The following PNPLA8 variants were observed in gnomAD, a reference collection of about 807,000 sequenced individuals.
PNPLA8 encodes patatin like domain 8, phospholipase A2.
In PNPLA8, 39 loss-of-function variants were observed where a neutral mutation model predicts 76.9. That is an observed-to-expected ratio of 0.51 (90% CI 0.39 to 0.66). PNPLA8 has a LOEUF of 0.66. Ranked by LOEUF, PNPLA8 falls within the 30% of genes least tolerant of loss-of-function variation. PNPLA8 has a pLI of 0.00. For missense variants in PNPLA8, 887 were observed against 918.0 expected, an observed-to-expected ratio of 0.97 and a Z score of 0.44; for synonymous variants, 301 against 307.9, an observed-to-expected ratio of 0.98 and a Z score of 0.24.
At chr7:108,505,443 A>ACCTCCG (rs2154516137) in intron 4 of PNPLA8, among the ~76,000 whole-genome samples, 1 of 137,446 alleles carries the variant, frequency 7.3e-6, no homozygotes, top group East Asian at 2.3e-4. Flanking sequence ...GCTCACCGCA[A>ACCTCCG]CCTCCGCCTC....
intron 10 of PNPLA8, among the ~76,000 whole-genome samples, chr7:108,476,465 G>A (rs374724653): frequency 1.3e-3 from 194 of 152,280 alleles, no homozygotes; most frequent in African/African-American, 4.4e-3. Flanking sequence ...TAGGATGGCT[G>A]TTATAAAAAA....
Position 108,479,355 on chromosome 7 carries a change from G to A in PNPLA8, c.1903C>T (p.Pro635Ser). Residue 635 changes from proline to serine, a missense_variant, in exon 10 of 11, where the codon CCT (proline) becomes TCT (serine). Transcript: ENST00000257694. The part of the protein sequence containing the change: ...HQDGGLLLNN[P>S]SALAMHECKC... ...CACTCATGCATAGCTAATGCCGAAG[G>A]GTTATTCAGAAGCAAACCTCCATCC... 6.2e-7 allele frequency: 1 copy of A among 1,611,454 alleles called. No individual in the cohort carries two copies. The highest frequency in any genetic ancestry group is 8.5e-7 in the Non-Finnish European group (1 of 1,178,788).
chr7:108,491,391 T>C lies in PNPLA8; in HGVS notation c.1683+19A>G, dbSNP rs766585060. On this transcript the variant is annotated intron_variant, in intron 8 of 10. Coordinates refer to ENST00000257694, the MANE Select transcript of PNPLA8 (RefSeq NM_001256007.3). Reference sequence around the variant, plus strand: ...TTCAGATGGAACTAGGTGTTATATTTAAGAGACTCTAAGCTTACCTTAGGA... The same window carrying C: ...TTCAGATGGAACTAGGTGTTATATTCAAGAGACTCTAAGCTTACCTTAGGA... The C allele has an allele frequency of 1.3e-6, 2 of 1,521,836 alleles. No individual in the cohort carries two copies. Among genetic ancestry groups the C allele is most frequent in the Admixed American group, 1.7e-5 (1 of 59,866 alleles). The allele number at this position is 1,521,836 out of a possible 1,614,324, so 94.3% of individuals were successfully genotyped here. A position where few individuals can be genotyped will look rare whatever the true frequency, so the allele number is the denominator to read the frequency against.
Position 108,515,212 on chromosome 7 carries a change from G to A in PNPLA8, c.280C>T (p.Leu94Phe), listed in dbSNP as rs1408370599. ...LKLSTSAPKG[L>F]TKVNICMSRI... ...GACATACAAATGTTCACTTTTGTAA[G>A]TCCCTTGGGAGCAGAAGTGCTAAGT... The change falls in exon 3 of 11, where the codon CTT becomes TTT. Residue 94 changes from leucine (L) to phenylalanine (F), a missense_variant. Leu to Phe is a conservative substitution (Grantham distance 22). Transcript: ENST00000257694. 1.4e-5 allele frequency: 22 copies of A among 1,604,052 alleles called. No individual in the cohort carries two copies. In the Admixed American group the frequency reaches 1.5e-4, roughly 11 times the overall value.
At chr7:108,510,038 GA>G (rs1294087112) in intron 4 of PNPLA8, among the ~76,000 whole-genome samples, 2 of 112,324 alleles carry the variant, frequency 1.8e-5, no homozygotes, top group African/African-American at 6.7e-5. Context: ...GGGGTGGGGG[GA>G]GGGGGGAGGG....
At chr7:108,480,974 A>G (rs1860351774) in intron 9 of PNPLA8, among the ~76,000 whole-genome samples, 1 of 137,992 alleles carries the variant, frequency 7.2e-6, no homozygotes. Context: ...GGAATAATAC[A>G]GTATGGGACT....
rs536080817 is a variant in PNPLA8 at position 108,491,407 on chromosome 7, T to C, written c.1683+3A>G. 7 of 1,587,360 alleles carry C rather than the reference T, an allele frequency of 4.4e-6. No homozygotes were observed. In the South Asian group the frequency reaches 6.6e-5, roughly 15 times the overall value. ...TGTTATATTTAAGAGACTCTAAGCT[T>C]ACCTTAGGACATGTGGGGTTTCTTG... On this transcript the variant is annotated splice_donor_region_variant and intron_variant, in intron 8 of 10. Transcript: ENST00000257694.
intron 10 of PNPLA8, among the ~76,000 whole-genome samples, chr7:108,474,534 A>G (rs940955519): frequency 6.6e-6 from 1 of 152,228 alleles, no homozygotes; most frequent in Non-Finnish European, 1.5e-5. Flanking sequence ...TTGAAGTTAT[A>G]TAAGGTCAAT....
chr7:108,525,067 T>C (rs1863985279), intron 1 of PNPLA8, among the ~76,000 whole-genome samples: 1 of 152,210 alleles, frequency 6.6e-6, no homozygotes, highest in Non-Finnish European at 1.5e-5. Flanking sequence ...TTTAATTTAG[T>C]CCTGATATAG....
At chr7:108,504,273 G>A (rs1381779612) in intron 4 of PNPLA8, among the ~76,000 whole-genome samples, 1 of 152,126 alleles carries the variant, frequency 6.6e-6, no homozygotes, top group Non-Finnish European at 1.5e-5. Flanking sequence ...AAACTATAAC[G>A]TATGTGAATC....
rs754513143 is a variant in PNPLA8 at position 108,496,765 on chromosome 7, A to C, written c.1454-10T>G. On this transcript the variant is annotated splice_polypyrimidine_tract_variant and intron_variant, in intron 6 of 10. Transcript: ENST00000257694. ...AAAGCTAATATGGCACCTGGAAAAA[A>C]GAATCCTTAGCTTTTATCAGTGTTA... 7 of 1,602,582 alleles carry C rather than the reference A, an allele frequency of 4.4e-6. No homozygotes were observed. The highest frequency in any genetic ancestry group is 5.1e-6 in the Non-Finnish European group (6 of 1,172,978).
In PNPLA8 at chr7:108,472,322, T is replaced by C; in HGVS notation, c.*79A>G. 1 of 1,027,570 alleles carries C rather than the reference T, an allele frequency of 9.7e-7. No individual in the cohort carries two copies. 63.7% of individuals were successfully genotyped at this position (1,027,570 alleles called of 1,614,324 possible). ...ATACGTATTTCAAAGTTAACTCATG[T>C]CGAACCCCACAATTCCTTATTGAAT... On this transcript the variant is annotated 3_prime_UTR_variant, in exon 11 of 11. Transcript: ENST00000257694.
Position 108,502,435 on chromosome 7 carries a change from T to C in PNPLA8, c.1358+56A>G, listed in dbSNP as rs565844863. On this transcript the variant is annotated intron_variant, in intron 5 of 10. Coordinates refer to ENST00000257694, the MANE Select transcript of PNPLA8 (RefSeq NM_001256007.3). ...TCCAGCCTGGGCAACAGAGGGAAAC[T>C]CCATCTCAAAAAAAAAAAAAAAAAA... 3.1e-5 allele frequency: 41 copies of C among 1,335,938 alleles called. 1 individual carries two copies. In the South Asian group the frequency reaches 5.3e-4, roughly 17 times the overall value. The allele number at this position is 1,335,938 out of a possible 1,614,324, so 82.8% of individuals were successfully genotyped here.
rs981690796 is a variant in PNPLA8, at chr7:108,471,848, T to C, written c.*553A>G. 1 of 152,212 alleles carries C rather than the reference T, an allele frequency of 6.6e-6. No homozygotes were observed. Among genetic ancestry groups the C allele is most frequent in the Non-Finnish European group, 1.5e-5 (1 of 68,044 alleles). 9.4% of individuals were successfully genotyped at this position (152,212 alleles called of 1,614,324 possible). On this transcript the variant is annotated 3_prime_UTR_variant, in exon 11 of 11. Coordinates refer to ENST00000257694, the MANE Select transcript of PNPLA8 (RefSeq NM_001256007.3). ...AATAGAAAACTGTATCTGGTTCTTT[T>C]TTATGTCAAATGTAAAATACTTTAA...
At chr7:108,489,116 A>G (rs1021252563) in intron 8 of PNPLA8, among the ~76,000 whole-genome samples, 6 of 152,214 alleles carry the variant, frequency 3.9e-5, no homozygotes, top group Non-Finnish European at 7.3e-5. Context: ...TAAGATGGCT[A>G]AAGTTCCCCA....
chr7:108,497,094 A>T (rs1324484574), intron 6 of PNPLA8, among the ~76,000 whole-genome samples: 1 of 152,166 alleles, frequency 6.6e-6, no homozygotes, highest in East Asian at 1.9e-4. Context: ...TATATAAGAT[A>T]CTATGGTAGA....
intron 8 of PNPLA8, among the ~76,000 whole-genome samples, chr7:108,488,428 A>G (rs1860906069): frequency 6.6e-6 from 1 of 152,082 alleles, no homozygotes; most frequent in Non-Finnish European, 1.5e-5. Flanking sequence ...AAAAATACAA[A>G]ATTAGCTGGA....
chr7:108,504,048 C>A (rs1249261126), intron 4 of PNPLA8, among the ~76,000 whole-genome samples: 2 of 152,098 alleles, frequency 1.3e-5, no homozygotes, highest in Non-Finnish European at 2.9e-5. Context: ...AGTGAACACA[C>A]CCTGGAAGAA....
In PNPLA8 at chr7:108,518,758, TAC is replaced by T. The variant is rs149337584; in HGVS notation, c.-84+2716_-84+2717del. Among the ~76,000 whole-genome samples, 183 of 123,006 alleles carry T rather than the reference TAC, an allele frequency of 1.5e-3. 1 individual carries two copies. Among genetic ancestry groups the T allele is most frequent in the African/African-American group, 4.7e-3 (151 of 32,310 alleles). The allele number at this position is 123,006 out of a possible 152,430, so 80.7% of individuals were successfully genotyped here. On this transcript the variant is annotated intron_variant, in intron 2 of 10. Transcript: ENST00000257694. ...ATATATATATATATATATATATATATACACACACACACACACATATATTAAGA... is the reference window on the plus strand; with the variant it reads ...ATATATATATATATATATATATATATACACACACACACACATATATTAAGA...
Sources: allele counts gnomAD v4.1 joint callset (sites outside exome capture counted in the v4.1 genomes callset), GRCh38; gene constraint gnomAD v4.1.1; transcripts MANE v1.5; gene names NCBI Gene and HGNC (gene_info 2026-07-23, HGNC 2026-07-21).